The following CCDC154 variants were observed in gnomAD, a reference collection of about 807,000 sequenced individuals.
CCDC154 encodes the protein coiled-coil domain-containing protein 154.
Under a neutral mutation model 87.5 loss-of-function variants are expected in CCDC154, and 91 were observed. That is an observed-to-expected ratio of 1.04 (90% CI 0.88 to 1.24). The LOEUF (loss-of-function observed/expected upper bound fraction) is 1.24, where lower values mean the gene tolerates loss of function less well. CCDC154 is among the 50% of genes most tolerant of loss of function. CCDC154 has a pLI of 0.00. For missense variants in CCDC154, 903 were observed against 879.2 expected, an observed-to-expected ratio of 1.03 and a Z score of -0.34; for synonymous variants, 418 against 400.4, an observed-to-expected ratio of 1.04 and a Z score of -0.52.
Position 1,435,097 on chromosome 16 carries a change from C to A in CCDC154, c.1684G>T (p.Ala562Ser), listed in dbSNP as rs546479777. 3.2e-5 allele frequency: 50 copies of A among 1,549,528 alleles called. 1 individual carries two copies. The South Asian group carries it at 5.2e-4, about 16-fold the overall frequency. Residue 562 changes from alanine (A) to serine (S), a missense_variant, in exon 15 of 17, where the codon GCC (alanine) becomes TCC (serine). Ala to Ser is a moderately conservative substitution (Grantham distance 99). Transcript: ENST00000389176. ...TIQNLRFNTE[A>S]RLRTQEMATL... ...GGGCAAGGCCTCCTCACCAGCCGGG[C>A]CTCAGTGTTGAACCTGAGGTTCTGG... is the stretch of plus-strand genomic sequence containing the variant.
chr16:1,438,596 A>G (rs1437503689), intron 9 of CCDC154, 23 bp downstream of exon 9: 2 of 1,540,580 alleles, frequency 1.3e-6, no homozygotes, highest in Admixed American at 3.9e-5. Context: ...GCCTGACAGC[A>G]CCTGAGGCCC....
At chr16:1,442,623 G>T in intron 5 of CCDC154, 94 bp from the exon 6 acceptor site, 2 of 1,357,270 alleles carry the variant, frequency 1.5e-6, no homozygotes, top group Non-Finnish European at 2.0e-6. Flanking sequence ...GGAGGTGTAC[G>T]ACCCCCGCCC....
At chr16:1,438,378 G>T in intron 9 of CCDC154, 1 of 761,192 alleles carries the variant, frequency 1.3e-6, no homozygotes, top group South Asian at 1.9e-5. Context: ...CGGCCACCAA[G>T]ACAGGGGTTC....
At chr16:1,442,779 C>G (rs1253489936) in intron 5 of CCDC154, 101 bp downstream of exon 5, 2 of 1,260,272 alleles carry the variant, frequency 1.6e-6, no homozygotes, top group Non-Finnish European at 2.2e-6. Flanking sequence ...CGCCGGGTTA[C>G]TGGGGACACA....
In CCDC154 at chr16:1,434,740, C is replaced by T. The variant is rs1314775175; in HGVS notation, c.1805G>A (p.Arg602Gln). ...WKALPSLVRPRVFIKDMAPGK... is the reference protein window; with the variant it reads ...WKALPSLVRPQVFIKDMAPGK... Reference sequence around the variant, plus strand: ...AGGCGCCATGTCCTTGATGAAGACCCGCGGCCTCACCAGGGATGGGAGCGC... The same window carrying T: ...AGGCGCCATGTCCTTGATGAAGACCTGCGGCCTCACCAGGGATGGGAGCGC... Residue 602 changes from arginine to glutamine, a missense_variant, in exon 16 of 17, where the codon CGG becomes CAG. Coordinates refer to ENST00000389176, the MANE Select transcript of CCDC154 (RefSeq NM_001143980.3). 19 of 1,546,028 alleles carry T rather than the reference C, an allele frequency of 1.2e-5. No individual in the cohort carries two copies. Among genetic ancestry groups the T allele is most frequent in the Admixed American group, 2.0e-5 (1 of 50,982 alleles).
rs749085327 is a variant in CCDC154 at position 1,435,094 on chromosome 16, G to C, written c.1687C>G (p.Arg563Gly). ...IQNLRFNTEA[R>G]LRTQEMATLW... ...GCCGGGCAAGGCCTCCTCACCAGCC[G>C]GGCCTCAGTGTTGAACCTGAGGTTC... is the stretch of plus-strand genomic sequence containing the variant. The change falls in exon 15 of 17, where the codon CGG becomes GGG. Residue 563 changes from arginine (R) to glycine (G), a missense_variant. Physicochemically the swap from Arg to Gly is moderately radical, Grantham distance 125. Coordinates refer to ENST00000389176, the MANE Select transcript of CCDC154 (RefSeq NM_001143980.3). 23 of 1,549,230 alleles carry C rather than the reference G, an allele frequency of 1.5e-5. No individual in the cohort carries two copies. In the South Asian group the frequency reaches 2.3e-4, roughly 15 times the overall value.
In CCDC154 at chr16:1,441,321, C is replaced by T. The variant is rs114527189; in HGVS notation, c.675+1085G>A. Among the ~76,000 whole-genome samples the T allele has an allele frequency of 8.4e-3, 1,286 of 152,324 alleles. 20 individuals are homozygous for T. Among genetic ancestry groups the T allele is most frequent in the African/African-American group, 0.028 (1,147 of 41,582 alleles). On this transcript the variant is annotated intron_variant, in intron 6 of 16. Coordinates refer to ENST00000389176, the MANE Select transcript of CCDC154 (RefSeq NM_001143980.3). The stretch of plus-strand genomic sequence containing the variant: ...TGAAGGGCAGTGAGAGGGAGGCTGC[C>T]GGCTCCGGGCAGTGGAGCTATGTGG...
chr16:1,435,430 T>C, intron 14 of CCDC154: 1 of 555,112 alleles, frequency 1.8e-6, no homozygotes, highest in East Asian at 3.1e-5. Flanking sequence ...GGCACCCCGG[T>C]GTGGGGGCTC....
chr16:1,443,685 G>T lies in CCDC154; in HGVS notation c.235C>A (p.Leu79Met). Reference sequence around the variant, plus strand: ...CGCAGGCAGGCCACCTCGGCCTGCAGCTCCACCACCCTGGCCGGGGCGAGA... The same window carrying T: ...CGCAGGCAGGCCACCTCGGCCTGCATCTCCACCACCCTGGCCGGGGCGAGA... ...WNQLEQWVVE[L>M]QAEVACLREH... is the part of the protein sequence containing the mutation. Residue 79 changes from leucine to methionine, a missense_variant, in exon 3 of 17, where the codon CTG becomes ATG. By Grantham distance (15) the Leu-to-Met change is conservative. Transcript: ENST00000389176. 7.7e-7 allele frequency: 1 copy of T among 1,292,264 alleles called. No homozygotes were observed. The highest frequency in any genetic ancestry group is 1.0e-6 in the Non-Finnish European group (1 of 995,544). 80.0% of individuals were successfully genotyped at this position (1,292,264 alleles called of 1,614,324 possible).
In CCDC154 at chr16:1,442,530, C is replaced by A; in HGVS notation, c.552-1G>T. On this transcript the variant is annotated splice_acceptor_variant, in intron 5 of 16. Transcript: ENST00000389176. LOFTEE classifies it high-confidence loss of function. ...CAGCAAGTCGGTCAGCTTGGCCAGT[C>A]TAGAGAAGTCGGCTGTGGTCACACC... The A allele has an allele frequency of 6.5e-7, 1 of 1,537,550 alleles. No homozygotes were observed. Among genetic ancestry groups the A allele is most frequent in the Non-Finnish European group, 8.8e-7 (1 of 1,140,494 alleles).
rs992595394 is a variant in CCDC154, at chr16:1,443,537, G to A, written c.383C>T (p.Ala128Val). 453 of 1,474,366 alleles carry A rather than the reference G, an allele frequency of 3.1e-4. No individual in the cohort carries two copies. Among genetic ancestry groups the A allele is most frequent in the Admixed American group, 5.8e-4 (24 of 41,522 alleles). 91.3% of individuals were successfully genotyped at this position (1,474,366 alleles called of 1,614,324 possible). A position where few individuals can be genotyped will look rare whatever the true frequency, so the allele number is the denominator to read the frequency against. ...LRQLQQEARP[A>V]AQAPEKEAPE... ...CGCCTCCTTTTCGGGGGCCTGGGCT[G>A]CCGGCCGCGCCTCCTGCTGCAACTG... Residue 128 changes from alanine (A) to valine (V), a missense_variant, in exon 3 of 17, where the codon GCA becomes GTA. By Grantham distance (64) the Ala-to-Val change is moderately conservative. Coordinates refer to ENST00000389176, the MANE Select transcript of CCDC154 (RefSeq NM_001143980.3).
rs2038577390 is a variant in CCDC154, at chr16:1,443,532, G to C, written c.388C>G (p.Gln130Glu). The C allele has an allele frequency of 6.8e-7, 1 of 1,478,506 alleles. No homozygotes were observed. Among genetic ancestry groups the C allele is most frequent in the Non-Finnish European group, 8.9e-7 (1 of 1,122,492 alleles). The allele number at this position is 1,478,506 out of a possible 1,614,324, so 91.6% of individuals were successfully genotyped here. ...TCCGGCGCCTCCTTTTCGGGGGCCT[G>C]GGCTGCCGGCCGCGCCTCCTGCTGC... Reference protein sequence around the residue: ...QLQQEARPAAQAPEKEAPEFS... With the variant: ...QLQQEARPAAEAPEKEAPEFS... The change falls in exon 3 of 17, where the codon CAG (glutamine) becomes GAG (glutamate). Residue 130 changes from glutamine (Q) to glutamate (E), a missense_variant. Coordinates refer to ENST00000389176, the MANE Select transcript of CCDC154 (RefSeq NM_001143980.3).
intron 6 of CCDC154, among the ~76,000 whole-genome samples, chr16:1,441,591 T>A (rs2038552110): frequency 6.6e-6 from 1 of 152,044 alleles, no homozygotes; most frequent in African/African-American, 2.4e-5. Context: ...TCGAGGAAGG[T>A]GAACTCCGCT....
At position 1,443,702 on chromosome 16, in the gene CCDC154, G is replaced by A. The variant is rs543104712; in HGVS notation, c.225-7C>T. 6.6e-5 allele frequency: 86 copies of A among 1,294,002 alleles called. No individual in the cohort carries two copies. In the Admixed American group the frequency reaches 9.6e-4, roughly 15 times the overall value. The allele number at this position is 1,294,002 out of a possible 1,614,324, so 80.2% of individuals were successfully genotyped here. The stretch of plus-strand genomic sequence containing the variant: ...GGCCTGCAGCTCCACCACCCTGGCC[G>A]GGGCGAGAGTGGGCGAGTCTGGCGG... On this transcript the variant is annotated splice_polypyrimidine_tract_variant and splice_region_variant and intron_variant, in intron 2 of 16. Transcript: ENST00000389176.
rs1290590647 is a variant in CCDC154, at chr16:1,439,139, C to A, written c.676-13G>T. 6.5e-7 allele frequency: 1 copy of A among 1,548,556 alleles called. No individual in the cohort carries two copies. Among genetic ancestry groups the A allele is most frequent in the Admixed American group, 2.0e-5 (1 of 50,982 alleles). ...TGGTCACCTGGGCCTGGGGCGGAGG[C>A]ACATTGTCCCGTGTGCAGCCTCTGC... On this transcript the variant is annotated splice_polypyrimidine_tract_variant and intron_variant, in intron 6 of 16. Transcript: ENST00000389176.
At chr16:1,437,181 T>C (rs2038509898) in intron 11 of CCDC154, 1 of 284,662 alleles carries the variant, frequency 3.5e-6, no homozygotes, top group South Asian at 4.3e-5. Context: ...GCAATGCACG[T>C]TACGCCGCGG....
Position 1,437,955 on chromosome 16 carries a change from C to T in CCDC154, c.1153-1G>A. 2 of 1,545,638 alleles carry T rather than the reference C, an allele frequency of 1.3e-6. No homozygotes were observed. The highest frequency in any genetic ancestry group is 2.4e-5 in the South Asian group (2 of 83,918). On this transcript the variant is annotated splice_acceptor_variant, in intron 10 of 16. Coordinates refer to ENST00000389176, the MANE Select transcript of CCDC154 (RefSeq NM_001143980.3). LOFTEE classifies it high-confidence loss of function. ...CCAGAGCCCGGCTCTTCTCTCGGAG[C>T]TGCAGGGGACAGGTGGGCACGGGGA...
rs1454916371 is a variant in CCDC154, at chr16:1,438,848, C to T, written c.873G>A (p.Glu291=). The T allele has an allele frequency of 6.5e-7, 1 of 1,548,344 alleles. No homozygotes were observed. The highest frequency in any genetic ancestry group is 2.0e-5 in the Admixed American group (1 of 50,940). The change falls in exon 8 of 17, where the codon GAG becomes GAA. Residue 291 remains glutamate, a synonymous_variant. Transcript: ENST00000389176. ...GCCCCTGCAGGGCCCGCAGGCGCTC[C>T]TCCATCAGCCCCCGAAGCTTCTCCC... The part of the protein sequence containing the change: ...SRWEKLRGLM[E]ERLRALQGQH...
intron 13 of CCDC154, 121 bp from the exon 14 acceptor site, chr16:1,436,207 T>C: frequency 1.1e-6 from 1 of 913,072 alleles, no homozygotes; most frequent in Non-Finnish European, 1.7e-6. Flanking sequence ...GGCTCAGCCC[T>C]GTCACCCCTC....
Sources: allele counts gnomAD v4.1 joint callset (sites outside exome capture counted in the v4.1 genomes callset), GRCh38; gene constraint gnomAD v4.1.1; transcripts MANE v1.5; gene names NCBI Gene and HGNC (gene_info 2026-07-23, HGNC 2026-07-21).